The following MAPK6 variants were observed in gnomAD, a reference collection of about 807,000 sequenced individuals.
MAPK6 encodes the protein mitogen-activated protein kinase 6.
MAPK6 carries 19 observed loss-of-function variants against 59.3 expected under a neutral mutation model. The observed-to-expected ratio is 0.32, with a 90% CI of 0.22 to 0.47. The LOEUF is 0.47. Among genes scored for constraint, MAPK6 ranks in the 20% least tolerant of loss-of-function variants. MAPK6 has a pLI of 1.00. For synonymous variants in MAPK6, 316 were observed against 290.3 expected, an observed-to-expected ratio of 1.09 and a Z score of -0.90; for missense variants, 724 against 847.9, an observed-to-expected ratio of 0.85 and a Z score of 1.81.
intron 1 of MAPK6, among the ~76,000 whole-genome samples, chr15:51,973,330 C>G (rs1427631279): frequency 6.6e-6 from 1 of 151,902 alleles, no homozygotes; most frequent in African/African-American, 2.4e-5. Context: ...AGTACTGTCC[C>G]TGAAAAGTAC....
chr15:52,033,260 C>T (rs569809453), intron 1 of MAPK6, among the ~76,000 whole-genome samples: 2 of 152,232 alleles, frequency 1.3e-5, no homozygotes, highest in Admixed American at 6.5e-5. Flanking sequence ...TTGGGTGTGT[C>T]TGTCAGGGTG....
chr15:52,036,608 T>C (rs560259956), intron 1 of MAPK6, among the ~76,000 whole-genome samples: 1 of 152,294 alleles, frequency 6.6e-6, no homozygotes, highest in East Asian at 1.9e-4. Context: ...AACACTTGCA[T>C]TGAGGATTAA....
chr15:52,006,961 A>T (rs1032631062), intron 3 of MAPK6, among the ~76,000 whole-genome samples: 1 of 152,112 alleles, frequency 6.6e-6, no homozygotes, highest in Non-Finnish European at 1.5e-5. Flanking sequence ...TTCCCCAGAG[A>T]ATCAATGTTA....
chr15:52,003,434 A>G (rs1362667577), intron 2 of MAPK6, among the ~76,000 whole-genome samples: 1 of 152,158 alleles, frequency 6.6e-6, no homozygotes, highest in Non-Finnish European at 1.5e-5. Flanking sequence ...GGCAACCCAG[A>G]AAAGGCACAT....
At chr15:52,061,791 G>T (rs987297558) in intron 5 of MAPK6, among the ~76,000 whole-genome samples, 2 of 151,828 alleles carry the variant, frequency 1.3e-5, no homozygotes, top group Admixed American at 1.3e-4. Flanking sequence ...ATTTAGTAAT[G>T]GTCCTTAATA....
chr15:52,061,181 A>G, intron 4 of MAPK6, 118 bp from the exon 5 acceptor site: 1 of 732,134 alleles, frequency 1.4e-6, no homozygotes, highest in Non-Finnish European at 2.4e-6. Flanking sequence ...CCTGTTGTGT[A>G]GTATGTAGTG....
chr15:52,022,184 T>A (rs1278262147), intron 1 of MAPK6, among the ~76,000 whole-genome samples: 1 of 152,138 alleles, frequency 6.6e-6, no homozygotes, highest in South Asian at 2.1e-4. Flanking sequence ...GAAAAAAAAT[T>A]TCCCACCCCA....
At chr15:51,992,526 G>A (rs144126919) in intron 2 of MAPK6, among the ~76,000 whole-genome samples, 1,646 of 151,552 alleles carry the variant, frequency 0.011, 18 homozygotes, top group Admixed American at 0.018. Flanking sequence ...GGATGGTCTC[G>A]ATCTTCTGAC....
At position 52,007,124 on chromosome 15, in the gene MAPK6, C is replaced by T. The variant is rs545751049; in HGVS notation, c.-632+2722C>T. On this transcript the variant is annotated intron_variant, in intron 3 of 7. Transcript: ENST00000691380. ...AAGGTCTTCCTTCCTACCCCACTTC[C>T]TACCTCCCTGTGTAATGAAGCCTGT... Among the ~76,000 whole-genome samples the T allele has an allele frequency of 2.6e-5, 4 of 152,208 alleles. No individual in the cohort carries two copies. The South Asian group carries it at 8.3e-4, about 32-fold the overall frequency.
intron 1 of MAPK6, among the ~76,000 whole-genome samples, chr15:52,031,379 C>G (rs1039529858): frequency 2.0e-5 from 3 of 152,170 alleles, no homozygotes; most frequent in Non-Finnish European, 4.4e-5. Flanking sequence ...AATCCTGGCT[C>G]TCTCATTCAT....
intron 3 of MAPK6, among the ~76,000 whole-genome samples, chr15:52,050,515 CAAGT>C (rs907917989): frequency 6.6e-6 from 1 of 152,104 alleles, no homozygotes; most frequent in African/African-American, 2.4e-5. Context: ...AACAACCAAA[CAAGT>C]AATTTTTTGT....
chr15:52,003,645 C>G lies in MAPK6; in HGVS notation c.-769-620C>G, dbSNP rs2057249312. The stretch of plus-strand genomic sequence containing the variant: ...ATTGTTCAGGTAAAAATTCATTATG[C>G]TATGTGCGCAACTTTTCTGTTAGTT... On this transcript the variant is annotated intron_variant, in intron 2 of 7. Coordinates refer to the MAPK6 transcript ENST00000691380. Among the ~76,000 whole-genome samples the G allele has an allele frequency of 1.3e-5, 2 of 152,184 alleles. 1 individual carries two copies. Among genetic ancestry groups the G allele is most frequent in the South Asian group, 4.1e-4 (2 of 4,834 alleles).
intron 2 of MAPK6, among the ~76,000 whole-genome samples, chr15:52,049,401 C>T (rs1199141647): frequency 7.3e-6 from 1 of 136,250 alleles, no homozygotes; most frequent in Non-Finnish European, 1.5e-5. Context: ...GCTCTTTGCT[C>T]ACTGCAACCT....
intron 1 of MAPK6, among the ~76,000 whole-genome samples, chr15:52,024,402 CTTT>C (rs1197373755): frequency 1.1e-4 from 15 of 139,224 alleles, no homozygotes; most frequent in Non-Finnish European, 1.6e-4. Flanking sequence ...TTTTCTTTTT[CTTT>C]TTTTTTTTTT....
chr15:52,016,036 A>C (rs2030231426), upstream of MAPK6, among the ~76,000 whole-genome samples: 1 of 142,168 alleles, frequency 7.0e-6, no homozygotes, highest in Non-Finnish European at 1.5e-5. Flanking sequence ...AGCCTGGGCC[A>C]CAGAGCCAAA....
chr15:52,052,789 C>G (rs1311137807), intron 3 of MAPK6, among the ~76,000 whole-genome samples: 1 of 152,182 alleles, frequency 6.6e-6, no homozygotes, highest in Non-Finnish European at 1.5e-5. Flanking sequence ...TTTATCCATT[C>G]CTCAGTTGAT....
In MAPK6 at chr15:52,046,630, A is replaced by G; in HGVS notation, c.170A>G (p.Gln57Arg). 6.2e-7 allele frequency: 1 copy of G among 1,614,218 alleles called. No individual in the cohort carries two copies. Among genetic ancestry groups the G allele is most frequent in the Non-Finnish European group, 8.5e-7 (1 of 1,180,020 alleles). ...AIKKIVLTDPQSVKHALREIK... is the reference protein window; with the variant it reads ...AIKKIVLTDPRSVKHALREIK... The stretch of plus-strand genomic sequence containing the variant: ...AAGAAAATTGTCCTTACTGATCCCC[A>G]GAGTGTCAAACATGCTCTACGTGAA... The change falls in exon 2 of 6, where the codon CAG (glutamine) becomes CGG (arginine). Residue 57 changes from glutamine to arginine, a missense_variant. Gln to Arg is a conservative substitution (Grantham distance 43). Around this residue, in one of 4 missense-constraint regions of MAPK6, gnomAD observed 87 missense variants for 93.0 expected, o/e 0.93. Transcript: ENST00000261845.
At chr15:52,017,343 G>T (rs1002950653), upstream of MAPK6, 1 of 152,182 alleles carries the variant, frequency 6.6e-6, no homozygotes, top group Non-Finnish European at 1.5e-5. Context: ...CATTCTCAAG[G>T]GTGGGGAGAG....
intron 2 of MAPK6, among the ~76,000 whole-genome samples, chr15:51,994,241 T>C (rs1313376675): frequency 1.3e-5 from 2 of 152,128 alleles, no homozygotes; most frequent in African/African-American, 4.8e-5. Context: ...ATTACAGGTG[T>C]GAGCCACCGC....
Sources: allele counts gnomAD v4.1 joint callset (sites outside exome capture counted in the v4.1 genomes callset), GRCh38; gene constraint gnomAD v4.1.1; regional missense constraint gnomAD v4.1.1; transcripts MANE v1.5; gene names NCBI Gene and HGNC (gene_info 2026-07-23, HGNC 2026-07-21).